The following TENM1 variants were observed in gnomAD, a reference collection of about 807,000 sequenced individuals.
TENM1 encodes the protein teneurin transmembrane protein 1.
In TENM1, 35 loss-of-function variants were observed where a neutral mutation model predicts 174.8. The observed-to-expected ratio is 0.20, with a 90% CI of 0.15 to 0.27. The LOEUF is 0.27. Among genes scored for constraint, TENM1 ranks in the 10% least tolerant of loss-of-function variants. The probability of loss-of-function intolerance (pLI) is 1.00; values close to 1 mark genes in which losing one functional copy is unlikely to be tolerated. For synonymous variants in TENM1, 781 were observed against 798.7 expected (o/e 0.98, Z 0.37); for missense variants, 1,633 against 2,130.1 (o/e 0.77, Z 4.59).
chrX:124,973,408 A>C, the TENM1 span, among the ~76,000 whole-genome samples: 2 of 111,652 alleles, frequency 1.8e-5, no homozygotes, highest in Non-Finnish European at 3.8e-5. Context: ...TTCCATAAGA[A>C]ATTTAAAGTA....
the TENM1 span, among the ~76,000 whole-genome samples, chrX:125,070,309 G>A: frequency 1.8e-5 from 2 of 111,289 alleles, no homozygotes; most frequent in Non-Finnish European, 3.8e-5. Flanking sequence ...TCTTATGTTT[G>A]TTGGCCACTT....
intron 22 of TENM1, among the ~76,000 whole-genome samples, chrX:124,477,484 G>C (rs975349662): frequency 8.9e-6 from 1 of 111,932 alleles, no homozygotes; most frequent in African/African-American, 3.2e-5. Flanking sequence ...TTAGCAGAAA[G>C]GCAGACAGTG....
At chrX:124,462,799 T>C (rs2061193406) in intron 22 of TENM1, among the ~76,000 whole-genome samples, 1 of 111,805 alleles carries the variant, frequency 8.9e-6, no homozygotes, top group Non-Finnish European at 1.9e-5. Context: ...CATGCATTTA[T>C]ACTGAAACAT....
chrX:124,476,228 A>T (rs1275034804), intron 22 of TENM1, among the ~76,000 whole-genome samples: 1 of 111,874 alleles, frequency 8.9e-6, no homozygotes, highest in African/African-American at 3.3e-5. Flanking sequence ...TCTTTCCATT[A>T]ACCCCAAATA....
intron 18 of TENM1, among the ~76,000 whole-genome samples, chrX:124,515,834 G>GAA (rs747846041): frequency 1.0e-5 from 1 of 96,178 alleles, no homozygotes; most frequent in African/African-American, 3.8e-5. Context: ...CCCAGAATTA[G>GAA]AAAAAAAAAA....
chrX:124,848,728 T>TA (rs757634703), intron 3 of TENM1, among the ~76,000 whole-genome samples: 24 of 109,126 alleles, frequency 2.2e-4, no homozygotes, highest in Admixed American at 1.6e-3. Context: ...TCACACATAG[T>TA]AAAAAAAAAT....
the TENM1 span, among the ~76,000 whole-genome samples, chrX:125,182,275 A>G: frequency 9.1e-6 from 1 of 110,140 alleles, no homozygotes; most frequent in Non-Finnish European, 1.9e-5. Context: ...TTCCACTTTT[A>G]AAGATGCTTG....
At chrX:124,838,787 A>G (rs2056440986) in intron 3 of TENM1, among the ~76,000 whole-genome samples, 3 of 111,353 alleles carry the variant, frequency 2.7e-5, no homozygotes, top group Admixed American at 9.6e-5. Flanking sequence ...CTATATATAC[A>G]CATACACATA....
At position 124,489,235 on chromosome X, in the gene TENM1, G is replaced by T. The variant is rs1471429654; in HGVS notation, c.3696-2006C>A. On this transcript the variant is annotated intron_variant, in intron 20 of 31. Coordinates refer to ENST00000422452, the Ensembl canonical transcript of TENM1. The stretch of plus-strand genomic sequence containing the variant: ...GCTTGCCATGAGTTAGGAGGAGAAA[G>T]AAATGGAATTTCAAATCTTTTTAGA... 1.8e-5 allele frequency among the ~76,000 whole-genome samples: 2 copies of T among 112,659 alleles called. 1 individual carries two copies. Among genetic ancestry groups the T allele is most frequent in the Admixed American group, 1.9e-4 (2 of 10,690 alleles).
At chrX:125,025,756 T>A in the TENM1 span, among the ~76,000 whole-genome samples, 2 of 111,224 alleles carry the variant, frequency 1.8e-5, no homozygotes. Context: ...CACTAAGAAA[T>A]CAACACTAAA....
chrX:124,803,263 C>G (rs1466998334), intron 3 of TENM1, among the ~76,000 whole-genome samples: 33 of 111,609 alleles, frequency 3.0e-4, no homozygotes. Context: ...CTTGAAACCC[C>G]CTTCTTACTG....
At chrX:125,035,047 G>A in the TENM1 span, among the ~76,000 whole-genome samples, 1 of 111,845 alleles carries the variant, frequency 8.9e-6, no homozygotes, top group Non-Finnish European at 1.9e-5. Context: ...GATATAGGAG[G>A]TGGTTAATGC....
intron 22 of TENM1, among the ~76,000 whole-genome samples, chrX:124,463,075 G>A (rs747579797): frequency 9.0e-6 from 1 of 111,728 alleles, no homozygotes; most frequent in South Asian, 3.8e-4. Context: ...TCATGACACC[G>A]CTCCCCCCAC....
rs866421023 is a variant in TENM1, at chrX:124,897,382, G to T, written c.218-1141C>A. Among the ~76,000 whole-genome samples, 15 of 111,532 alleles carry T rather than the reference G, an allele frequency of 1.3e-4. No homozygotes were observed. The South Asian group carries it at 3.8e-3, about 28-fold the overall frequency. On this transcript the variant is annotated intron_variant, in intron 1 of 31. Transcript: ENST00000422452. ...GAGACAGGATATGTCATTTGGCTGG[G>T]AAGGAGCTTAACTGAGTGCATCTAA...
chrX:125,135,473 G>A, the TENM1 span, among the ~76,000 whole-genome samples: 16 of 111,946 alleles, frequency 1.4e-4, no homozygotes, highest in Non-Finnish European at 2.6e-4. Context: ...ACTAAATGAT[G>A]TCTATCAAAC....
At chrX:124,458,101 T>C (rs1254764706) in intron 22 of TENM1, among the ~76,000 whole-genome samples, 1 of 111,977 alleles carries the variant, frequency 8.9e-6, no homozygotes, top group African/African-American at 3.2e-5. Flanking sequence ...GTGTAACTGA[T>C]TCAAAAATGT....
In TENM1 at chrX:124,787,817, A is replaced by G. The variant is rs1432234503; in HGVS notation, c.536-50620T>C. On this transcript the variant is annotated intron_variant, in intron 3 of 31. Coordinates refer to ENST00000422452, the Ensembl canonical transcript of TENM1. ...AGAACAATGAAATGAGATAGATTCTATAATATAGTATATGTGCTTCAGCAC... is the reference window on the plus strand; with the variant it reads ...AGAACAATGAAATGAGATAGATTCTGTAATATAGTATATGTGCTTCAGCAC... 2.7e-5 allele frequency among the ~76,000 whole-genome samples: 3 copies of G among 112,612 alleles called. No individual in the cohort carries two copies. In the East Asian group the frequency reaches 8.4e-4, roughly 31 times the overall value.
intron 5 of TENM1, among the ~76,000 whole-genome samples, chrX:124,682,535 T>G (rs1047974116): frequency 9.0e-6 from 1 of 110,999 alleles, no homozygotes; most frequent in Admixed American, 9.7e-5. Flanking sequence ...ATGTTAGAGC[T>G]CAAAAAGACC....
At chrX:125,114,426 C>T in the TENM1 span, among the ~76,000 whole-genome samples, 1 of 99,618 alleles carries the variant, frequency 1.0e-5, no homozygotes, top group African/African-American at 4.5e-5. Flanking sequence ...CACGAAAAAA[C>T]CTTCGAAAAA....
Sources: gnomAD v4.1 joint callset for allele counts (sites outside exome capture counted in the v4.1 genomes callset) on GRCh38, gnomAD v4.1.1 for gene constraint, MANE v1.5 for transcripts, NCBI Gene and HGNC (gene_info 2026-07-23, HGNC 2026-07-21) for gene names.